SARDH: variants seen among roughly 807,000 people sequenced by gnomAD.
SARDH encodes the protein sarcosine dehydrogenase, mitochondrial.
SARDH carries 95 observed loss-of-function variants against 109.1 expected under a neutral mutation model. That is an observed-to-expected ratio of 0.87 (90% CI 0.74 to 1.03). SARDH has a LOEUF of 1.03. SARDH is among the 50% of genes least tolerant of loss of function. SARDH has a pLI of 0.00. For synonymous variants in SARDH, 572 were observed against 534.8 expected, an observed-to-expected ratio of 1.07 and a Z score of -0.96; for missense variants, 1,267 against 1,287.8, an observed-to-expected ratio of 0.98 and a Z score of 0.25.
At chr9:133,684,499 T>C (rs1050073887) in intron 17 of SARDH, among the ~76,000 whole-genome samples, 1 of 152,218 alleles carries the variant, frequency 6.6e-6, no homozygotes, top group Non-Finnish European at 1.5e-5. Context: ...CCAAGATGCC[T>C]GTTTTCCAAC....
In SARDH at chr9:133,696,340, A is replaced by T; in HGVS notation, c.1690T>A (p.Cys564Ser). The change falls in exon 14 of 21, where the codon TGC becomes AGC. Residue 564 changes from cysteine to serine, a missense_variant. By Grantham distance (112) the Cys-to-Ser change is moderately radical. Transcript: ENST00000439388. ...TCAAACACAGCGGCGGCCCCTCTGC[A>T]GGCCAGGCACTCCTTCTTGATCTGA... ...HDTIKKECLA[C>S]RGAAAVFDMS... 6.2e-7 allele frequency: 1 copy of T among 1,614,098 alleles called. No homozygotes were observed. Among genetic ancestry groups the T allele is most frequent in the African/African-American group, 1.3e-5 (1 of 75,060 alleles).
At position 133,709,206 on chromosome 9, in the gene SARDH, G is replaced by A. The variant is rs56178401; in HGVS notation, c.1329-778C>T. Reference sequence around the variant, plus strand: ...CGGTGGTGTCCAGCACGAACCCGGCGGGCCCCATGCTATTTCTCATGGAGC... The same window carrying A: ...CGGTGGTGTCCAGCACGAACCCGGCAGGCCCCATGCTATTTCTCATGGAGC... On this transcript the variant is annotated intron_variant, in intron 10 of 20. Coordinates refer to ENST00000439388, the MANE Select transcript of SARDH (RefSeq NM_001134707.2). This position sits in a 1 kb window ranked among gnomAD's most constrained non-coding sequence, Gnocchi z 4.2. Among the ~76,000 whole-genome samples, 6,311 of 152,194 alleles carry A rather than the reference G, an allele frequency of 0.041. 452 individuals are homozygous for A. The highest frequency in any genetic ancestry group is 0.14 in the African/African-American group (5,984 of 41,500).
rs745749856 is a variant in SARDH at position 133,733,694 on chromosome 9, G to A, written c.331+149C>T. 343 of 688,850 alleles carry A rather than the reference G, an allele frequency of 5.0e-4. 1 individual carries two copies. Among genetic ancestry groups the A allele is most frequent in the Admixed American group, 7.8e-4 (19 of 24,212 alleles). The allele number at this position is 688,850 out of a possible 1,614,324, so 42.7% of individuals were successfully genotyped here. ...GAGGGCAAGCAGTGCCCCCAGCTCC[G>A]CCCACCTGCAAACTGGCCATGCACC... is the stretch of plus-strand genomic sequence containing the variant. On this transcript the variant is annotated intron_variant, in intron 2 of 20. Transcript: ENST00000439388.
upstream of SARDH, among the ~76,000 whole-genome samples, chr9:133,739,207 C>T (rs963365747): frequency 1.3e-5 from 2 of 152,226 alleles, no homozygotes; most frequent in Non-Finnish European, 2.9e-5. Flanking sequence ...ATCTCCTCCT[C>T]GCGCTGGATC....
chr9:133,665,695 C>G (rs1050568773), intron 20 of SARDH, among the ~76,000 whole-genome samples: 2 of 152,350 alleles, frequency 1.3e-5, no homozygotes, highest in Middle Eastern at 3.4e-3. Context: ...TGGTCTTGCC[C>G]GAGGCCTGGC....
intron 14 of SARDH, among the ~76,000 whole-genome samples, chr9:133,695,722 T>A (rs1015524995): frequency 2.4e-5 from 1 of 42,366 alleles, no homozygotes; most frequent in Admixed American, 3.7e-4. Context: ...TGGGGACGCA[T>A]GAGCTGTTGG....
chr9:133,686,768 G>A lies in SARDH; in HGVS notation c.2070-1482C>T, dbSNP rs1438484085. 6.6e-6 allele frequency among the ~76,000 whole-genome samples: 1 copy of A among 152,170 alleles called. No homozygotes were observed. The highest frequency in any genetic ancestry group is 2.4e-5 in the African/African-American group (1 of 41,418). On this transcript the variant is annotated intron_variant, in intron 16 of 20. Transcript: ENST00000439388. The surrounding 1 kb of genome is among the most constrained non-coding windows in gnomAD (Gnocchi z 4.0). ...TGACCCTAATCCCAATCGTCACAGT[G>A]CTGGGAGCCGCCACCCACGTCAGCC...
At chr9:133,725,102 C>T (rs538937892) in intron 6 of SARDH, among the ~76,000 whole-genome samples, 60 of 152,180 alleles carry the variant, frequency 3.9e-4, no homozygotes, top group African/African-American at 1.3e-3. Flanking sequence ...CGGACAAAAC[C>T]GTAAAAAGAA....
rs780010830 is a variant in SARDH at position 133,712,675 on chromosome 9, C to T, written c.1272G>A (p.Leu424=). 1.9e-6 allele frequency: 3 copies of T among 1,610,212 alleles called. No individual in the cohort carries two copies. The Admixed American group carries it at 5.0e-5, about 27-fold the overall frequency. ...GGCGCCCATGGATGATCCAGTGGGC[C>T]AGCTCCTGCCCACAGCCACCACCCA... ...MMLGGGCGQE[L]AHWIIHGRPE... is the part of the protein sequence containing the mutation. The change falls in exon 10 of 21, where the codon CTG becomes CTA. Residue 424 remains leucine (L), a synonymous_variant. Transcript: ENST00000439388. This position sits in a 1 kb window ranked among gnomAD's most constrained non-coding sequence, Gnocchi z 4.1.
At chr9:133,684,405 T>C (rs989438136) in intron 17 of SARDH, among the ~76,000 whole-genome samples, 2 of 152,238 alleles carry the variant, frequency 1.3e-5, no homozygotes, top group African/African-American at 2.4e-5. Flanking sequence ...CTCGGAACAG[T>C]GTCTGGCACA....
In SARDH at chr9:133,670,663, G is replaced by A. The variant is rs1429136058; in HGVS notation, c.2416C>T (p.Pro806Ser). The A allele has an allele frequency of 6.3e-7, 1 of 1,599,192 alleles. No homozygotes were observed. The highest frequency in any genetic ancestry group is 8.5e-7 in the Non-Finnish European group (1 of 1,173,822). ...TCCAGGGCCTCCCTCCCCAGGAAGG[G>A]CACCGGCGACTTGAGCTTGCAGGTG... ...AFTCKLKSPV[P>S]FLGREALEQQ... Residue 806 changes from proline (P) to serine (S), a missense_variant, in exon 19 of 21, where the codon CCC (proline) becomes TCC (serine). Coordinates refer to ENST00000439388, the MANE Select transcript of SARDH (RefSeq NM_001134707.2).
At chr9:133,703,167 T>TCCACAACACACGG in intron 12 of SARDH, 138 bp from the exon 13 acceptor site, 2 of 720,378 alleles carry the variant, frequency 2.8e-6, no homozygotes, top group Non-Finnish European at 4.7e-6. Flanking sequence ...AGTGCCCGTG[T>TCCACAACACACGG]GTTGTGGACG....
In SARDH at chr9:133,671,062, C is replaced by T. The variant is rs58222127; in HGVS notation, c.2327-310G>A. ...GGTGCCCAACACCCAGGGGAGCTGCCTGACGCCCAAGCTGGGTGCCCAACA... is the reference window on the plus strand; with the variant it reads ...GGTGCCCAACACCCAGGGGAGCTGCTTGACGCCCAAGCTGGGTGCCCAACA... On this transcript the variant is annotated intron_variant, in intron 18 of 20. Transcript: ENST00000439388. Among the ~76,000 whole-genome samples the T allele has an allele frequency of 6.9e-3, 1,055 of 152,284 alleles. 7 individuals are homozygous for T. Among genetic ancestry groups the T allele is most frequent in the African/African-American group, 0.024 (1,010 of 41,552 alleles).
intron 14 of SARDH, among the ~76,000 whole-genome samples, chr9:133,694,616 G>T (rs1831219599): frequency 6.6e-6 from 1 of 152,230 alleles, no homozygotes; most frequent in Admixed American, 6.5e-5. Context: ...CTTGCGGGAA[G>T]GAAGCTTCTT....
Position 133,671,548 on chromosome 9 carries a change from C to A in SARDH, c.2313G>T (p.Leu771=). 6.2e-7 allele frequency: 1 copy of A among 1,607,880 alleles called. No homozygotes were observed. The highest frequency in any genetic ancestry group is 1.1e-5 in the South Asian group (1 of 89,958). Residue 771 remains leucine (L), a synonymous_variant, in exon 18 of 21, where the codon CTG becomes CTT. Coordinates refer to ENST00000439388, the MANE Select transcript of SARDH (RefSeq NM_001134707.2). Reference sequence around the variant, plus strand: ...CCCTGCACTCACCTTTCTCAATGCTCAGGGAGTCGATGGCGCGGTACCCTG... The same window carrying A: ...CCCTGCACTCACCTTTCTCAATGCTAAGGGAGTCGATGGCGCGGTACCCTG... The part of the protein sequence containing the change: ...INAGYRAIDS[L]SIEKGYRHWH...
chr9:133,712,128 A>C lies in SARDH; in HGVS notation c.1328+491T>G, dbSNP rs1469914159. ...TACAAATGCCCTCCCTGCTCCCAGA[A>C]CCTCCACAGCCCCTCCCCATCACCC... On this transcript the variant is annotated intron_variant, in intron 10 of 20. Coordinates refer to ENST00000439388, the MANE Select transcript of SARDH (RefSeq NM_001134707.2). The surrounding 1 kb of genome is among the most constrained non-coding windows in gnomAD (Gnocchi z 4.1). Among the ~76,000 whole-genome samples, 2 of 151,952 alleles carry C rather than the reference A, an allele frequency of 1.3e-5. No individual in the cohort carries two copies. Among genetic ancestry groups the C allele is most frequent in the Non-Finnish European group, 2.9e-5 (2 of 67,972 alleles).
intron 8 of SARDH, among the ~76,000 whole-genome samples, chr9:133,716,748 T>C (rs1489542246): frequency 6.7e-6 from 1 of 148,440 alleles, no homozygotes; most frequent in Non-Finnish European, 1.5e-5. Context: ...GTTAGGGGAA[T>C]CTTGACACAA....
Position 133,694,417 on chromosome 9 carries a change from G to T in SARDH, c.1808-46C>A, listed in dbSNP as rs374554775. Reference sequence around the variant, plus strand: ...CCGGGTCTGTGCTGAGGCCCCAGCCGGGTCTGTGCTGCCTCAGTTTCCCCA... The same window carrying T: ...CCGGGTCTGTGCTGAGGCCCCAGCCTGGTCTGTGCTGCCTCAGTTTCCCCA... On this transcript the variant is annotated intron_variant, in intron 14 of 20. Coordinates refer to ENST00000439388, the MANE Select transcript of SARDH (RefSeq NM_001134707.2). The T allele has an allele frequency of 4.1e-6, 6 of 1,472,352 alleles. No homozygotes were observed. In the African/African-American group the frequency reaches 8.4e-5, roughly 21 times the overall value. The allele number at this position is 1,472,352 out of a possible 1,614,324, so 91.2% of individuals were successfully genotyped here. A position where few individuals can be genotyped will look rare whatever the true frequency, so the allele number is the denominator to read the frequency against.
At position 133,666,669 on chromosome 9, in the gene SARDH, G is replaced by GGGAGCTGGCTT. The variant is rs1287935289; in HGVS notation, c.2631+65_2631+66insAAGCCAGCTCC. 1 of 1,548,844 alleles carries GGGAGCTGGCTT rather than the reference G, an allele frequency of 6.5e-7. No individual in the cohort carries two copies. Among genetic ancestry groups the GGGAGCTGGCTT allele is most frequent in the Non-Finnish European group, 8.7e-7 (1 of 1,145,186 alleles). On this transcript the variant is annotated intron_variant, in intron 20 of 20. Transcript: ENST00000439388. This position sits in a 1 kb window ranked among gnomAD's most constrained non-coding sequence, Gnocchi z 5.2. ...CCCGGCACACTCAGGGTGCAGTGCA[G>GGGAGCTGGCTT]GGAGCTGGTTTGGAGCTGGTGAGGG...
Sources: allele counts gnomAD v4.1 joint callset (sites outside exome capture counted in the v4.1 genomes callset), GRCh38; gene constraint gnomAD v4.1.1; non-coding constraint Gnocchi (gnomAD v3.1); transcripts MANE v1.5; gene names NCBI Gene and HGNC (gene_info 2026-07-23, HGNC 2026-07-21).